The following GPC6 variants were observed in gnomAD, a reference collection of about 807,000 sequenced individuals.
The protein encoded by GPC6 is glypican 6.
Under a neutral mutation model 55.2 loss-of-function variants are expected in GPC6, and 14 were observed. That is an observed-to-expected ratio of 0.25 (90% CI 0.17 to 0.40). GPC6 has a LOEUF of 0.40. Among genes scored for constraint, GPC6 ranks in the 10% least tolerant of loss-of-function variants. GPC6 has a pLI of 1.00. For synonymous variants in GPC6, 278 were observed against 259.6 expected, an observed-to-expected ratio of 1.07 and a Z score of -0.68; for missense variants, 641 against 708.5, an observed-to-expected ratio of 0.90 and a Z score of 1.08.
intron 1 of GPC6, among the ~76,000 whole-genome samples, chr13:93,327,685 A>G (rs1468449131): frequency 6.6e-6 from 1 of 152,102 alleles, no homozygotes. Flanking sequence ...ATGATACAGT[A>G]ATAAGTGTGC....
intron 4 of GPC6, among the ~76,000 whole-genome samples, chr13:94,171,017 G>A (rs1888549314): frequency 6.6e-6 from 1 of 152,212 alleles, no homozygotes; most frequent in Admixed American, 6.5e-5. Flanking sequence ...TGTAGTCCCT[G>A]TGAAAATAAG....
intron 3 of GPC6, among the ~76,000 whole-genome samples, chr13:93,940,616 C>T (rs1234730066): frequency 6.6e-6 from 1 of 152,086 alleles, no homozygotes; most frequent in Non-Finnish European, 1.5e-5. Context: ...ATACACCAAA[C>T]AAATGGAATG....
chr13:94,262,095 C>G (rs1481848631), intron 4 of GPC6, among the ~76,000 whole-genome samples: 1 of 152,090 alleles, frequency 6.6e-6, no homozygotes, highest in African/African-American at 2.4e-5. Flanking sequence ...TTAATGGCCC[C>G]TATTTTTTCT....
At chr13:93,445,668 G>A (rs1877973420) in intron 1 of GPC6, among the ~76,000 whole-genome samples, 1 of 152,180 alleles carries the variant, frequency 6.6e-6, no homozygotes, top group Non-Finnish European at 1.5e-5. Flanking sequence ...GTAATGTTAT[G>A]TCATCCATTC....
At chr13:93,393,930 T>C (rs1875748210) in intron 1 of GPC6, among the ~76,000 whole-genome samples, 1 of 152,134 alleles carries the variant, frequency 6.6e-6, no homozygotes, top group African/African-American at 2.4e-5. Flanking sequence ...GTGTGTTATG[T>C]ATAGCAGAGA....
intron 1 of GPC6, among the ~76,000 whole-genome samples, chr13:93,289,930 T>C (rs189099518): frequency 1.3e-5 from 2 of 152,332 alleles, no homozygotes; most frequent in East Asian, 3.9e-4. Context: ...TACTATTTTA[T>C]GGCACATGGA....
intron 2 of GPC6, among the ~76,000 whole-genome samples, chr13:93,767,048 G>T (rs1231931216): frequency 6.6e-6 from 1 of 151,982 alleles, no homozygotes; most frequent in Non-Finnish European, 1.5e-5. Flanking sequence ...AAGCTCCCCA[G>T]AACTAGTGTT....
intron 4 of GPC6, among the ~76,000 whole-genome samples, chr13:94,271,468 C>T (rs910067120): frequency 6.6e-6 from 1 of 151,988 alleles, no homozygotes; most frequent in Non-Finnish European, 1.5e-5. Context: ...ATGACAAGTC[C>T]AGGCAAATTC....
rs143899301 is a variant in GPC6, at chr13:93,832,289, A to G, written c.711+1744A>G. Reference sequence around the variant, plus strand: ...CTGTCAGTAAAATATGAATAAGTGTAGAAAATAAATATGCATTCCATATTT... The same window carrying G: ...CTGTCAGTAAAATATGAATAAGTGTGGAAAATAAATATGCATTCCATATTT... On this transcript the variant is annotated intron_variant, in intron 3 of 8. Coordinates refer to ENST00000377047, the MANE Select transcript of GPC6 (RefSeq NM_005708.5). 2.4e-4 allele frequency among the ~76,000 whole-genome samples: 36 copies of G among 151,098 alleles called. 1 individual carries two copies. The East Asian group carries it at 7.0e-3, about 30-fold the overall frequency.
chr13:93,322,366 A>C (rs1465871612), intron 1 of GPC6, among the ~76,000 whole-genome samples: 1 of 149,836 alleles, frequency 6.7e-6, no homozygotes, highest in Non-Finnish European at 1.5e-5. Context: ...AATCCCACTT[A>C]TAAGTGAGAA....
intron 1 of GPC6, among the ~76,000 whole-genome samples, chr13:93,232,099 CTTT>C (rs5805794): frequency 6.8e-6 from 1 of 147,078 alleles, no homozygotes; most frequent in African/African-American, 2.5e-5. Context: ...ATTTACACAA[CTTT>C]TTTTTTTTTT....
At chr13:93,913,025 A>G (rs1333738083) in intron 3 of GPC6, among the ~76,000 whole-genome samples, 2 of 152,044 alleles carry the variant, frequency 1.3e-5, no homozygotes, top group African/African-American at 4.8e-5. Flanking sequence ...TAGAGCCCAC[A>G]CTATTTCAAT....
chr13:93,627,289 T>C (rs992575140), intron 2 of GPC6, among the ~76,000 whole-genome samples: 3 of 152,094 alleles, frequency 2.0e-5, no homozygotes, highest in Admixed American at 6.5e-5. Flanking sequence ...TTGCTGAGAA[T>C]GATGGTTTCC....
chr13:93,672,163 TA>T (rs34177304), intron 2 of GPC6, among the ~76,000 whole-genome samples: 33,647 of 147,568 alleles, frequency 0.23, 4,586 homozygotes, highest in East Asian at 0.45. Flanking sequence ...TTTTTTTTTT[TA>T]GTAGCTAATA....
chr13:93,480,953 T>C (rs1434963593), intron 1 of GPC6, among the ~76,000 whole-genome samples: 2 of 152,210 alleles, frequency 1.3e-5, no homozygotes, highest in African/African-American at 4.8e-5. Flanking sequence ...TCATTTTTAG[T>C]GAGTGAATAC....
At chr13:93,397,689 A>T (rs1260114714) in intron 1 of GPC6, among the ~76,000 whole-genome samples, 1 of 152,070 alleles carries the variant, frequency 6.6e-6, no homozygotes, top group African/African-American at 2.4e-5. Context: ...AAAGCTTTCC[A>T]GGTGACCACA....
At position 94,398,432 on chromosome 13, in the gene GPC6, TCCC is replaced by T. The variant is rs778065830; in HGVS notation, c.1290-33_1290-31del. 3.9e-6 allele frequency: 6 copies of T among 1,524,724 alleles called. No individual in the cohort carries two copies. The Admixed American group carries it at 5.0e-5, about 13-fold the overall frequency. The allele number at this position is 1,524,724 out of a possible 1,614,324, so 94.4% of individuals were successfully genotyped here. A position where few individuals can be genotyped will look rare whatever the true frequency, so the allele number is the denominator to read the frequency against. Reference sequence around the variant, plus strand: ...CTGGTTTTACAGTTTCTGTGGCATCTCCCTGAGGTGTTCTCTCACTCTCTGCCT... The same window carrying T: ...CTGGTTTTACAGTTTCTGTGGCATCTTGAGGTGTTCTCTCACTCTCTGCCT... On this transcript the variant is annotated intron_variant, in intron 7 of 8. Transcript: ENST00000377047.
chr13:93,761,119 T>C (rs1884940167), intron 2 of GPC6, among the ~76,000 whole-genome samples: 1 of 152,180 alleles, frequency 6.6e-6, no homozygotes, highest in African/African-American at 2.4e-5. Context: ...CATGCCTTTA[T>C]TTTTATTCTC....
intron 4 of GPC6, among the ~76,000 whole-genome samples, chr13:94,150,150 A>T (rs1013696586): frequency 3.3e-5 from 5 of 152,136 alleles, no homozygotes; most frequent in African/African-American, 4.8e-5. Context: ...TTAAAGGCGG[A>T]TGCATCCAGG....
Sources: gnomAD v4.1 joint callset for allele counts (sites outside exome capture counted in the v4.1 genomes callset) on GRCh38, gnomAD v4.1.1 for gene constraint, MANE v1.5 for transcripts, NCBI Gene and HGNC (gene_info 2026-07-23, HGNC 2026-07-21) for gene names.